Variants in ENOX2 observed in about 807,000 individuals in gnomAD.
ENOX2 encodes ecto-NOX disulfide-thiol exchanger 2, also known as APK1 antigen.
ENOX2 carries 36 observed loss-of-function variants against 45.0 expected under a neutral mutation model. The ratio of observed to expected loss-of-function variants is 0.80; its 90% confidence interval spans 0.61 to 1.06. ENOX2 has a LOEUF of 1.06. ENOX2 is among the 50% of genes least tolerant of loss of function. The pLI, the probability that ENOX2 is intolerant of heterozygous loss-of-function variation, is 0.00. For missense variants in ENOX2, 423 were observed against 462.5 expected, an observed-to-expected ratio of 0.91 and a Z score of 0.78; for synonymous variants, 174 against 152.3, an observed-to-expected ratio of 1.14 and a Z score of -1.05.
chrX:130,680,775 C>T lies in ENOX2; in HGVS notation c.254-1027G>A, dbSNP rs975934269. The stretch of plus-strand genomic sequence containing the variant: ...GCTCAAGATTTGGAGAGCTCAACAA[C>T]CAGTGATTATAGCTCACATGCAAAA... On this transcript the variant is annotated intron_variant, in intron 5 of 14. Coordinates refer to ENST00000394363, the MANE Select transcript of ENOX2 (RefSeq NM_006375.4). Among the ~76,000 whole-genome samples, 4 of 112,425 alleles carry T rather than the reference C, an allele frequency of 3.6e-5. No homozygotes were observed. In the East Asian group the frequency reaches 8.4e-4, roughly 23 times the overall value.
intron 11 of ENOX2, 42 bp downstream of exon 11, chrX:130,637,187 T>G: frequency 9.0e-7 from 1 of 1,115,352 alleles, no homozygotes; most frequent in Non-Finnish European, 1.2e-6. Context: ...GAGAAGCTGA[T>G]GCTATTCTAC....
rs760706156 is a variant in ENOX2, at chrX:130,685,043, G to A, written c.253+3820C>T. On this transcript the variant is annotated intron_variant, in intron 5 of 14. Transcript: ENST00000394363. Reference sequence around the variant, plus strand: ...GTGGCAGAGAGATAATTTTTAAATAGGTTATCAGGGTCACTGAGAAAGTGA... The same window carrying A: ...GTGGCAGAGAGATAATTTTTAAATAAGTTATCAGGGTCACTGAGAAAGTGA... 2.7e-5 allele frequency among the ~76,000 whole-genome samples: 3 copies of A among 112,251 alleles called. No individual in the cohort carries two copies. In the South Asian group the frequency reaches 1.1e-3, roughly 42 times the overall value.
intron 2 of ENOX2, among the ~76,000 whole-genome samples, chrX:130,833,115 CTT>C (rs752026574): frequency 9.1e-6 from 1 of 109,761 alleles, no homozygotes; most frequent in African/African-American, 3.3e-5. Context: ...TTTCTTGAGT[CTT>C]AGCATTGCAC....
chrX:130,754,107 TCTG>T (rs1469253132), intron 3 of ENOX2, among the ~76,000 whole-genome samples: 1 of 112,111 alleles, frequency 8.9e-6, no homozygotes, highest in Admixed American at 9.4e-5. Flanking sequence ...TGCTAATTAC[TCTG>T]CTTAGATCAT....
intron 2 of ENOX2, among the ~76,000 whole-genome samples, chrX:130,860,858 GA>G (rs1287542379): frequency 1.8e-5 from 2 of 111,825 alleles, no homozygotes; most frequent in Admixed American, 9.5e-5. Context: ...CAGAATGGAA[GA>G]AAATATTTAC....
chrX:130,884,173 T>C (rs1266053496), intron 2 of ENOX2, among the ~76,000 whole-genome samples: 1 of 112,177 alleles, frequency 8.9e-6, no homozygotes, highest in Non-Finnish European at 1.9e-5. Flanking sequence ...GTCTAAAGAA[T>C]GATAAAAGGG....
chrX:130,774,403 T>C (rs919810126), intron 3 of ENOX2, among the ~76,000 whole-genome samples: 2 of 111,878 alleles, frequency 1.8e-5, no homozygotes, highest in African/African-American at 3.3e-5. Flanking sequence ...CTACTTACTA[T>C]TGGGACACAT....
chrX:130,792,115 G>A (rs892194646), intron 2 of ENOX2, among the ~76,000 whole-genome samples: 3 of 112,077 alleles, frequency 2.7e-5, no homozygotes, highest in African/African-American at 6.5e-5. Context: ...CATGGATGGA[G>A]GTAGAGGCCA....
chrX:130,717,548 C>G (rs1476154003), intron 3 of ENOX2, among the ~76,000 whole-genome samples: 1 of 112,247 alleles, frequency 8.9e-6, no homozygotes, highest in Non-Finnish European at 1.9e-5. Context: ...CTGGGAGACA[C>G]TGTCAGAGCC....
Position 130,694,658 on chromosome X carries a change from A to C in ENOX2, c.98-5640T>G, listed in dbSNP as rs753526058. ...GCTCTTATCATCCAAGCTGGAGGGC[A>C]ATGGCATGATCTCAGCTCACTGCAA... On this transcript the variant is annotated intron_variant, in intron 4 of 14. Transcript: ENST00000394363. Among the ~76,000 whole-genome samples the C allele has an allele frequency of 3.0e-5, 3 of 99,797 alleles. No homozygotes were observed. The East Asian group carries it at 9.3e-4, about 31-fold the overall frequency. The allele number at this position is 99,797 out of a possible 115,157, so 86.7% of individuals were successfully genotyped here.
At chrX:130,737,443 T>C (rs1431052266) in intron 3 of ENOX2, among the ~76,000 whole-genome samples, 1 of 110,725 alleles carries the variant, frequency 9.0e-6, no homozygotes, top group Non-Finnish European at 1.9e-5. Context: ...ACTTATTGCA[T>C]GCGCGTGCGC....
At chrX:130,780,991 AGGAAGAG>A (rs2039956780) in intron 3 of ENOX2, among the ~76,000 whole-genome samples, 1 of 111,673 alleles carries the variant, frequency 9.0e-6, no homozygotes, top group Non-Finnish European at 1.9e-5. Context: ...ATGATGACAA[AGGAAGAG>A]GGAAGTTGCT....
intron 3 of ENOX2, among the ~76,000 whole-genome samples, chrX:130,715,468 T>G (rs1312348449): frequency 8.9e-6 from 1 of 111,878 alleles, no homozygotes; most frequent in African/African-American, 3.2e-5. Context: ...AAACTGGAGT[T>G]TTCAAACTCC....
chrX:130,873,776 C>T (rs1298429003), intron 2 of ENOX2, among the ~76,000 whole-genome samples: 1 of 110,313 alleles, frequency 9.1e-6, no homozygotes, highest in East Asian at 2.9e-4. Context: ...CCATCCTTCT[C>T]AGCAAACTAA....
At chrX:130,821,741 T>TAAAAAAAAAAAAAAAA (rs1569505783) in intron 2 of ENOX2, among the ~76,000 whole-genome samples, 1 of 24,200 alleles carries the variant, frequency 4.1e-5, no homozygotes, top group African/African-American at 1.9e-4. Flanking sequence ...AATAAATAAA[T>TAAAAAAAAAAAAAAAA]TAAAAAAAAA....
At chrX:130,814,319 T>C (rs2077443248) in intron 2 of ENOX2, among the ~76,000 whole-genome samples, 1 of 112,193 alleles carries the variant, frequency 8.9e-6, no homozygotes, top group Non-Finnish European at 1.9e-5. Flanking sequence ...GGGCGCAGCT[T>C]CAGCAGACTT....
intron 2 of ENOX2, among the ~76,000 whole-genome samples, chrX:130,852,385 T>C (rs774434939): frequency 8.9e-6 from 1 of 112,222 alleles, no homozygotes. Flanking sequence ...CATGCACTTA[T>C]AGAGCTCTGA....
At chrX:130,729,595 T>C (rs2038688297) in intron 3 of ENOX2, among the ~76,000 whole-genome samples, 2 of 111,869 alleles carry the variant, frequency 1.8e-5, no homozygotes, top group Non-Finnish European at 3.8e-5. Flanking sequence ...AGGCAAGTAG[T>C]TAAATAGGAG....
At chrX:130,788,682 T>C (rs765058048) in intron 2 of ENOX2, among the ~76,000 whole-genome samples, 10 of 112,188 alleles carry the variant, frequency 8.9e-5, no homozygotes, top group Admixed American at 1.9e-4. Flanking sequence ...TCAGAAATTG[T>C]CCAAAGTCTT....
Sources: gnomAD v4.1 joint callset for allele counts (sites outside exome capture counted in the v4.1 genomes callset) on GRCh38, gnomAD v4.1.1 for gene constraint, MANE v1.5 for transcripts, NCBI Gene and HGNC (gene_info 2026-07-23, HGNC 2026-07-21) for gene names.